MED27: variants seen among roughly 807,000 people sequenced by gnomAD.
MED27 encodes the protein mediator of RNA polymerase II transcription subunit 27.
Under a neutral mutation model 38.2 loss-of-function variants are expected in MED27, and 30 were observed. That is an observed-to-expected ratio of 0.79 (90% confidence interval 0.59 to 1.07). The LOEUF (loss-of-function observed/expected upper bound fraction) is 1.07. Among genes scored for constraint, MED27 ranks in the 50% least tolerant of loss-of-function variants. The pLI, the probability that MED27 is intolerant of heterozygous loss-of-function variation, is 0.00. For missense variants in MED27, 289 were observed against 397.5 expected (o/e 0.73, Z 2.32); for synonymous variants, 122 against 153.5 (o/e 0.79, Z 1.52).
intron 2 of MED27, among the ~76,000 whole-genome samples, chr9:132,030,225 C>T (rs1832926782): frequency 6.6e-6 from 1 of 152,212 alleles, no homozygotes; most frequent in Admixed American, 6.5e-5. Flanking sequence ...CGGTGCCCCT[C>T]GTGACAGCGC....
At chr9:132,008,367 C>T (rs1407914561) in intron 3 of MED27, among the ~76,000 whole-genome samples, 3 of 152,254 alleles carry the variant, frequency 2.0e-5, no homozygotes, top group Admixed American at 2.0e-4. Flanking sequence ...TGCACAGCAA[C>T]AGTGGACACA....
At chr9:131,890,804 T>G (rs898006728) in intron 5 of MED27, among the ~76,000 whole-genome samples, 41 of 152,172 alleles carry the variant, frequency 2.7e-4, no homozygotes, top group African/African-American at 9.9e-4. Flanking sequence ...TTTCTCCATG[T>G]GTAAGATGAG....
intron 6 of MED27, among the ~76,000 whole-genome samples, chr9:131,877,257 G>A (rs1185238275): frequency 1.3e-5 from 2 of 152,164 alleles, no homozygotes; most frequent in African/African-American, 4.8e-5. Flanking sequence ...GCTGGTAGGA[G>A]GAAATGTTAG....
At chr9:131,879,998 T>C (rs900411342) in intron 6 of MED27, among the ~76,000 whole-genome samples, 1 of 152,272 alleles carries the variant, frequency 6.6e-6, no homozygotes, top group Non-Finnish European at 1.5e-5. Context: ...GGTCTCTGAA[T>C]CTGCAAAGGA....
At chr9:131,892,393 GC>G (rs1420888382) in intron 5 of MED27, among the ~76,000 whole-genome samples, 1 of 152,198 alleles carries the variant, frequency 6.6e-6, no homozygotes, top group East Asian at 1.9e-4. Context: ...TCAGTAAGGG[GC>G]AATTAAATAG....
At chr9:132,016,428 G>C (rs143826240) in intron 2 of MED27, among the ~76,000 whole-genome samples, 1 of 152,284 alleles carries the variant, frequency 6.6e-6, no homozygotes, top group Non-Finnish European at 1.5e-5. Context: ...GGGTAGAAAG[G>C]GGGGAGCATA....
chr9:131,937,911 T>G (rs1435972244), intron 4 of MED27, among the ~76,000 whole-genome samples: 1 of 152,092 alleles, frequency 6.6e-6, no homozygotes, highest in Non-Finnish European at 1.5e-5. Context: ...CTGCAACCTC[T>G]GGAGGCAGAC....
At chr9:132,016,061 G>A (rs950633686) in intron 2 of MED27, among the ~76,000 whole-genome samples, 1 of 152,224 alleles carries the variant, frequency 6.6e-6, no homozygotes, top group African/African-American at 2.4e-5. Context: ...TGCCGAGTCA[G>A]CTGCATTACA....
intron 2 of MED27, among the ~76,000 whole-genome samples, chr9:132,056,249 G>T (rs542926473): frequency 2.0e-5 from 3 of 152,242 alleles, no homozygotes; most frequent in Non-Finnish European, 4.4e-5. Context: ...AACAGACACT[G>T]CTCATGCAAG....
rs1456252163 is a variant in MED27 at position 131,997,180 on chromosome 9, G to A, written c.479+17157C>T. The stretch of plus-strand genomic sequence containing the variant: ...AAGGTTGTACAAATCTGCCGCTTCC[G>A]GAGAATAAAGAATTAACTTCCAGCA... On this transcript the variant is annotated intron_variant, in intron 3 of 7. Transcript: ENST00000292035. The surrounding 1 kb of genome is among the most constrained non-coding windows in gnomAD (Gnocchi z 4.0). Among the ~76,000 whole-genome samples, 1 of 151,862 alleles carries A rather than the reference G, an allele frequency of 6.6e-6. No homozygotes were observed. Among genetic ancestry groups the A allele is most frequent in the South Asian group, 2.1e-4 (1 of 4,808 alleles).
chr9:131,864,490 A>G (rs562795333), intron 6 of MED27, among the ~76,000 whole-genome samples: 29 of 152,354 alleles, frequency 1.9e-4, no homozygotes, highest in Admixed American at 1.8e-3. Context: ...ACAAAACAAA[A>G]TGAAAAAACC....
rs746021090 is a variant in MED27, at chr9:131,860,672, T to C, written c.802A>G (p.Thr268Ala). 6.2e-7 allele frequency: 1 copy of C among 1,612,894 alleles called. No individual in the cohort carries two copies. Among genetic ancestry groups the C allele is most frequent in the Non-Finnish European group, 8.5e-7 (1 of 1,179,572 alleles). Residue 268 changes from threonine to alanine, a missense_variant and splice_region_variant, in exon 8 of 8, where the codon ACC (threonine) becomes GCC (alanine). Physicochemically the swap from Thr to Ala is moderately conservative, Grantham distance 58 (BLOSUM62 0). Transcript: ENST00000292035. This position sits in a 1 kb window ranked among gnomAD's most constrained non-coding sequence, Gnocchi z 5.8. Reference protein sequence around the residue: ...MPDVVVRSFMTWLRSYIKLFQ... With the variant: ...MPDVVVRSFMAWLRSYIKLFQ... The stretch of plus-strand genomic sequence containing the variant: ...AGCTTTATGTAACTTCTTAACCAGG[T>C]CTAAAAAGAGAAACGAGGAGAGAAG...
chr9:132,019,451 C>T (rs1832673335), intron 2 of MED27, among the ~76,000 whole-genome samples: 2 of 152,134 alleles, frequency 1.3e-5, no homozygotes, highest in South Asian at 4.1e-4. Flanking sequence ...CAGAAGAAAC[C>T]TTTTTTCCTC....
chr9:132,068,498 G>A (rs1253204756), intron 2 of MED27, among the ~76,000 whole-genome samples: 3 of 152,198 alleles, frequency 2.0e-5, no homozygotes, highest in Non-Finnish European at 4.4e-5. Flanking sequence ...CCAGTGGGGA[G>A]GCTGCGGCAT....
In MED27 at chr9:131,862,992, T is replaced by G; in HGVS notation, c.801+71A>C. On this transcript the variant is annotated intron_variant, in intron 7 of 7. Transcript: ENST00000292035. The surrounding 1 kb of genome is among the most constrained non-coding windows in gnomAD (Gnocchi z 4.6). ...AAGTCTGAAGATGCAACGGCTGCCC[T>G]TCAAGCTCCCTGTTCTCACTTGAAG... 1 of 1,402,444 alleles carries G rather than the reference T, an allele frequency of 7.1e-7. No homozygotes were observed. The highest frequency in any genetic ancestry group is 1.0e-6 in the Non-Finnish European group (1 of 995,818). 86.9% of individuals were successfully genotyped at this position (1,402,444 alleles called of 1,614,324 possible).
intron 6 of MED27, among the ~76,000 whole-genome samples, chr9:131,866,420 G>A (rs966185992): frequency 5.9e-5 from 9 of 152,238 alleles, no homozygotes; most frequent in African/African-American, 2.2e-4. Flanking sequence ...TGACCCAGAG[G>A]CCTGAGCCAG....
At chr9:131,965,596 CCTT>C (rs954383016) in intron 3 of MED27, among the ~76,000 whole-genome samples, 4 of 152,164 alleles carry the variant, frequency 2.6e-5, no homozygotes, top group African/African-American at 9.7e-5. Flanking sequence ...TGCTCTTGGT[CCTT>C]CTCTGTCACT....
chr9:131,879,902 G>A (rs1285875829), intron 6 of MED27, among the ~76,000 whole-genome samples: 2 of 152,242 alleles, frequency 1.3e-5, no homozygotes, highest in African/African-American at 4.8e-5. Flanking sequence ...ATCCTAAAAA[G>A]CGGAGTTTAG....
chr9:131,894,329 G>T (rs765715187), intron 4 of MED27, among the ~76,000 whole-genome samples: 1 of 152,160 alleles, frequency 6.6e-6, no homozygotes, highest in Non-Finnish European at 1.5e-5. Flanking sequence ...CAAAGGCGAG[G>T]ATTCTACAAT....
Sources: gnomAD v4.1 joint callset for allele counts (sites outside exome capture counted in the v4.1 genomes callset) on GRCh38, gnomAD v4.1.1 for gene constraint, Gnocchi (gnomAD v3.1) non-coding constraint, MANE v1.5 for transcripts, NCBI Gene and HGNC (gene_info 2026-07-23, HGNC 2026-07-21) for gene names.